Variants in LARP1B observed in about 807,000 individuals in gnomAD.
The protein encoded by LARP1B is La ribonucleoprotein 1B, also known as la-related protein 1B.
A neutral mutation model predicts 114.2 loss-of-function variants in LARP1B; 76 were observed. The ratio of observed to expected loss-of-function variants is 0.67; its 90% CI spans 0.55 to 0.81. The LOEUF (loss-of-function observed/expected upper bound fraction) is 0.81, where lower values mean the gene tolerates loss of function less well. Ranked by LOEUF, LARP1B falls within the 30% of genes least tolerant of loss-of-function variation. LARP1B has a pLI of 0.00. For missense variants in LARP1B, 1,014 were observed against 1,075.8 expected (o/e 0.94, Z 0.80); for synonymous variants, 345 against 348.0 (o/e 0.99, Z 0.10).
At chr4:128,196,248 C>CAA (rs35423896) in intron 15 of LARP1B, among the ~76,000 whole-genome samples, 52 of 88,386 alleles carry the variant, frequency 5.9e-4, no homozygotes, top group South Asian at 7.9e-4. Flanking sequence ...GAGAGTCTGT[C>CAA]AAAAAAAAAA....
chr4:128,074,101 C>T (rs559912286), intron 1 of LARP1B, among the ~76,000 whole-genome samples: 43 of 151,688 alleles, frequency 2.8e-4, no homozygotes, highest in African/African-American at 7.3e-4. Flanking sequence ...CCACTGTGCC[C>T]GGCTGATTTT....
intron 11 of LARP1B, among the ~76,000 whole-genome samples, chr4:128,153,225 C>T (rs190838273): frequency 1.3e-5 from 2 of 151,486 alleles, no homozygotes; most frequent in African/African-American, 2.4e-5. Context: ...TCAGCTGATC[C>T]GCCTGCCTCG....
chr4:128,153,548 T>C (rs1331381176), intron 11 of LARP1B, among the ~76,000 whole-genome samples: 1 of 151,894 alleles, frequency 6.6e-6, no homozygotes, highest in East Asian at 1.9e-4. Context: ...TCGTGATCCA[T>C]CCGCCTTGGC....
intron 11 of LARP1B, among the ~76,000 whole-genome samples, chr4:128,128,991 C>T (rs180804869): frequency 2.5e-4 from 38 of 151,580 alleles, no homozygotes; most frequent in Admixed American, 2.3e-3. Flanking sequence ...GGTGAAACCG[C>T]GTCTCTATTA....
chr4:128,213,467 A>C (rs954786283), downstream of LARP1B, among the ~76,000 whole-genome samples: 2 of 152,220 alleles, frequency 1.3e-5, no homozygotes, highest in African/African-American at 4.8e-5. Context: ...AATTTTGCTT[A>C]TGTATGCTTG....
chr4:128,089,746 C>T (rs1315201580), intron 5 of LARP1B, among the ~76,000 whole-genome samples: 3 of 151,006 alleles, frequency 2.0e-5, no homozygotes, highest in Non-Finnish European at 2.9e-5. Context: ...TCTTACAGTC[C>T]ATAAGGCTGA....
At chr4:128,207,519 A>G (rs1024975244) in intron 19 of LARP1B, 136 bp downstream of exon 19, 1 of 523,160 alleles carries the variant, frequency 1.9e-6, no homozygotes, top group Non-Finnish European at 3.0e-6. Context: ...TGAAATAGAT[A>G]TAAAAATAGT....
chr4:128,156,352 T>G, intron 11 of LARP1B: 1 of 664,998 alleles, frequency 1.5e-6, no homozygotes, highest in Admixed American at 2.3e-5. Flanking sequence ...ATATTGTGCT[T>G]CACAGTAGAG....
chr4:128,143,008 C>T (rs1561390345), intron 11 of LARP1B, among the ~76,000 whole-genome samples: 2 of 151,778 alleles, frequency 1.3e-5, no homozygotes, highest in Admixed American at 6.6e-5. Flanking sequence ...TTTTAGAGGC[C>T]AGGCACGGTG....
At chr4:128,183,049 C>G (rs986486010) in intron 15 of LARP1B, among the ~76,000 whole-genome samples, 1 of 152,080 alleles carries the variant, frequency 6.6e-6, no homozygotes, top group Non-Finnish European at 1.5e-5. Context: ...GAAGCTGTCT[C>G]CATAATATAA....
chr4:128,160,822 A>G (rs1232793107), intron 11 of LARP1B, among the ~76,000 whole-genome samples: 2 of 152,236 alleles, frequency 1.3e-5, no homozygotes, highest in Non-Finnish European at 2.9e-5. Context: ...ACTTTAGTGA[A>G]AAAAGATCAT....
chr4:128,153,849 T>C (rs1734106825), intron 11 of LARP1B, among the ~76,000 whole-genome samples: 4 of 152,194 alleles, frequency 2.6e-5, no homozygotes, highest in Non-Finnish European at 4.4e-5. Flanking sequence ...GTCTCTCATT[T>C]TAAAAAATGA....
intron 11 of LARP1B, among the ~76,000 whole-genome samples, chr4:128,137,506 C>G (rs1465570747): frequency 1.3e-5 from 2 of 152,080 alleles, no homozygotes; most frequent in East Asian, 3.9e-4. Context: ...TTTTTATATT[C>G]CATTGACTAT....
chr4:128,165,114 A>G (rs1477827441), intron 12 of LARP1B, among the ~76,000 whole-genome samples: 1 of 151,940 alleles, frequency 6.6e-6, no homozygotes, highest in East Asian at 1.9e-4. Flanking sequence ...AAGCAAGGGG[A>G]ATTATTAATA....
chr4:128,203,804 G>C (rs1348397708), intron 17 of LARP1B, among the ~76,000 whole-genome samples: 1 of 152,234 alleles, frequency 6.6e-6, no homozygotes, highest in Non-Finnish European at 1.5e-5. Context: ...CTCTGGTCTA[G>C]AGGGTTTACA....
intron 13 of LARP1B, among the ~76,000 whole-genome samples, chr4:128,177,840 T>G (rs1746869212): frequency 6.6e-6 from 1 of 152,092 alleles, no homozygotes. Flanking sequence ...GAGAAATGCT[T>G]GTACCTGTAC....
rs1561158109 is a variant in LARP1B, at chr4:128,091,331, C to T, written c.503-16C>T. 2.5e-6 allele frequency: 4 copies of T among 1,594,506 alleles called. No homozygotes were observed. Among genetic ancestry groups the T allele is most frequent in the South Asian group, 2.3e-5 (2 of 87,740 alleles). On this transcript the variant is annotated splice_polypyrimidine_tract_variant and intron_variant, in intron 6 of 19. Transcript: ENST00000326639. ...CTAATATGTGATTACCTTTCTTTTT[C>T]TTTATTCACATCAAGTGAACTTTGA...
At chr4:128,090,403 C>T (rs969957924) in intron 5 of LARP1B, among the ~76,000 whole-genome samples, 2 of 152,016 alleles carry the variant, frequency 1.3e-5, no homozygotes, top group East Asian at 3.9e-4. Flanking sequence ...TGGTAGGCAC[C>T]GTTTTCTGTA....
At chr4:128,155,627 C>A in intron 11 of LARP1B, 1 of 1,321,102 alleles carries the variant, frequency 7.6e-7, no homozygotes, top group South Asian at 1.2e-5. Context: ...CAACCCCAGC[C>A]AGGAGCCATC....
Sources: gnomAD v4.1 joint callset for allele counts (sites outside exome capture counted in the v4.1 genomes callset) on GRCh38, gnomAD v4.1.1 for gene constraint, MANE v1.5 for transcripts, NCBI Gene and HGNC (gene_info 2026-07-23, HGNC 2026-07-21) for gene names.